VWA5B1: variants seen among roughly 807,000 people sequenced by gnomAD.
The protein encoded by VWA5B1 is von Willebrand factor A domain-containing protein 5B1.
VWA5B1 carries 115 observed loss-of-function variants against 118.2 expected under a neutral mutation model. The observed-to-expected ratio is 0.97, with a 90% CI of 0.84 to 1.14. VWA5B1 has a LOEUF of 1.14. VWA5B1 is among the 50% of genes most tolerant of loss of function. The pLI is 0.00. For missense variants in VWA5B1, 1,596 were observed against 1,603.8 expected (o/e 1.00, Z 0.08); for synonymous variants, 682 against 658.4 (o/e 1.04, Z -0.55).
chr1:20,319,233 C>T, intron 6 of VWA5B1, 149 bp from the exon 7 acceptor site: 2 of 1,205,520 alleles, frequency 1.7e-6, no homozygotes, highest in African/African-American at 1.5e-5. Context: ...TCTTCCCTAG[C>T]CCTACACTGC....
At position 20,353,800 on chromosome 1, in the gene VWA5B1, C is replaced by G. The variant is rs61742174; in HGVS notation, c.3185C>G (p.Ala1062Gly). ...TCCGGAGCCTTCCTGCTCAACGAAG[C>G]CTTCTGTGAGGCCACGCACATCCCC... The part of the protein sequence containing the change: ...LASGAFLLNE[A>G]FCEATHIPME... Residue 1062 changes from alanine to glycine, a missense_variant, in exon 22 of 22, where the codon GCC becomes GGC. Ala to Gly is a moderately conservative substitution (Grantham distance 60). Transcript: ENST00000289815. 2,120 of 1,476,144 alleles carry G rather than the reference C, an allele frequency of 1.4e-3. 22 individuals carry two copies. The African/African-American group carries it at 0.026, about 18-fold the overall frequency. The allele number at this position is 1,476,144 out of a possible 1,614,324, so 91.4% of individuals were successfully genotyped here.
intron 16 of VWA5B1, among the ~76,000 whole-genome samples, chr1:20,343,882 C>T: frequency 9.0e-6 from 1 of 111,540 alleles, no homozygotes; most frequent in Non-Finnish European, 1.8e-5. Flanking sequence ...GGCTCCGCCC[C>T]CTCCCCATTC....
chr1:20,356,152 C>G lies in VWA5B1; in HGVS notation c.*1889C>G, dbSNP rs539954257. 2.6e-4 allele frequency among the ~76,000 whole-genome samples: 40 copies of G among 152,342 alleles called. No homozygotes were observed. Among genetic ancestry groups the G allele is most frequent in the African/African-American group, 8.7e-4 (36 of 41,564 alleles). On this transcript the variant is annotated 3_prime_UTR_variant, in exon 22 of 22. Coordinates refer to ENST00000289815, the MANE Select transcript of VWA5B1 (RefSeq NM_001039500.3). ...TCTTTAGCTATGCAGGCAGCAGCCTCAGCTTCAGGGTAAGGGTGGCCGGGG... is the reference window on the plus strand; with the variant it reads ...TCTTTAGCTATGCAGGCAGCAGCCTGAGCTTCAGGGTAAGGGTGGCCGGGG...
rs568678521 is a variant in VWA5B1, at chr1:20,330,323, C to T, written c.1398C>T (p.Gly466=). The T allele has an allele frequency of 1.0e-4, 161 of 1,551,648 alleles. 1 individual carries two copies. The East Asian group carries it at 2.3e-3, about 22-fold the overall frequency. Reference sequence around the variant, plus strand: ...GGCTCCTCTTCGTGATCACAGATGGCGCTGTCAACAACACAGGGAAGGTGC... The same window carrying T: ...GGCTCCTCTTCGTGATCACAGATGGTGCTGTCAACAACACAGGGAAGGTGC... ...HPRLLFVITD[G]AVNNTGKVLE... The change falls in exon 10 of 22, where the codon GGC becomes GGT. Residue 466 remains glycine (G), a synonymous_variant. Coordinates refer to ENST00000289815, the MANE Select transcript of VWA5B1 (RefSeq NM_001039500.3).
chr1:20,339,825 T>G (rs1015547830), intron 14 of VWA5B1, among the ~76,000 whole-genome samples: 4 of 152,164 alleles, frequency 2.6e-5, no homozygotes, highest in African/African-American at 9.7e-5. Context: ...ACTCTGATCC[T>G]CAAACATGTC....
At position 20,328,020 on chromosome 1, in the gene VWA5B1, G is replaced by A. The variant is rs1238287254; in HGVS notation, c.1254+20G>A. 1 of 1,545,826 alleles carries A rather than the reference G, an allele frequency of 6.5e-7. No individual in the cohort carries two copies. Among genetic ancestry groups the A allele is most frequent in the Non-Finnish European group, 8.8e-7 (1 of 1,141,762 alleles). On this transcript the variant is annotated intron_variant, in intron 9 of 21. Transcript: ENST00000289815. ...AGTGAGGTAATGAGGGGGCAAGGCT[G>A]GGACCAGGAGGGTGGTGCATGGTGG...
chr1:20,319,587 T>C, intron 7 of VWA5B1, 81 bp downstream of exon 7: 1 of 1,524,080 alleles, frequency 6.6e-7, no homozygotes, highest in Non-Finnish European at 8.8e-7. Context: ...ACAAGTGAGG[T>C]GGGGAGGTAA....
chr1:20,337,518 C>A, intron 13 of VWA5B1, 128 bp from the exon 14 acceptor site: 1 of 1,056,104 alleles, frequency 9.5e-7, no homozygotes, highest in Non-Finnish European at 1.3e-6. Flanking sequence ...CCAGGGGAGG[C>A]ATCTGCATAT....
chr1:20,306,986 C>T (rs1238703996), intron 1 of VWA5B1, among the ~76,000 whole-genome samples: 1 of 152,122 alleles, frequency 6.6e-6, no homozygotes, highest in Non-Finnish European at 1.5e-5. Flanking sequence ...TTAAGGCCCT[C>T]CCTCCCTCTT....
chr1:20,301,574 C>A (rs1222827602), intron 1 of VWA5B1, among the ~76,000 whole-genome samples: 2 of 152,182 alleles, frequency 1.3e-5, no homozygotes, highest in Non-Finnish European at 2.9e-5. Context: ...TCCCTAGAAG[C>A]CCCACTGCAA....
intron 7 of VWA5B1, among the ~76,000 whole-genome samples, chr1:20,321,304 A>C (rs2089207497): frequency 6.6e-6 from 1 of 152,126 alleles, no homozygotes; most frequent in Non-Finnish European, 1.5e-5. Flanking sequence ...AAAGCAAATC[A>C]GGCCGGGCGC....
At chr1:20,331,417 T>TC (rs1352578044) in intron 11 of VWA5B1, among the ~76,000 whole-genome samples, 2 of 152,132 alleles carry the variant, frequency 1.3e-5, no homozygotes, top group African/African-American at 4.8e-5. Flanking sequence ...CCTTAGAAAA[T>TC]CCCCTTGTCA....
At chr1:20,306,720 T>C (rs2088666462) in intron 1 of VWA5B1, among the ~76,000 whole-genome samples, 1 of 152,130 alleles carries the variant, frequency 6.6e-6, no homozygotes, top group Admixed American at 6.5e-5. Flanking sequence ...CCATTTGGGA[T>C]TTAGCATCTC....
rs2090161269 is a variant in VWA5B1, at chr1:20,353,075, ACTT to A, written c.3142-678_3142-676del. On this transcript the variant is annotated intron_variant, in intron 21 of 21. Transcript: ENST00000289815. ...GATGTGGGGAGCAGACCCAAGCATG[ACTT>A]CTTGGAGAAGGTCAAGGCTAAGCCA... is the stretch of plus-strand genomic sequence containing the variant. Among the ~76,000 whole-genome samples the A allele has an allele frequency of 3.3e-5, 5 of 152,202 alleles. 1 individual carries two copies. The South Asian group carries it at 1.0e-3, about 31-fold the overall frequency.
At chr1:20,351,901 G>A (rs41265045) in intron 20 of VWA5B1, among the ~76,000 whole-genome samples, 154 bp from the exon 21 acceptor site, 8,076 of 152,150 alleles carry the variant, frequency 0.053, 229 homozygotes, top group Middle Eastern at 0.092. Context: ...CAGTTGCTTC[G>A]AGCCCATGTT....
chr1:20,295,587 C>A (rs905936377), intron 1 of VWA5B1, among the ~76,000 whole-genome samples: 2 of 152,162 alleles, frequency 1.3e-5, no homozygotes, highest in African/African-American at 4.8e-5. Context: ...TCTCCCTATT[C>A]CCATGACCAC....
chr1:20,323,172 A>G, intron 7 of VWA5B1, 184 bp from the exon 8 acceptor site: 2 of 455,806 alleles, frequency 4.4e-6, no homozygotes, highest in East Asian at 3.6e-5. Context: ...TGCAAAGTCC[A>G]TGCTTGCTGT....
At chr1:20,332,700 T>C in intron 11 of VWA5B1, 66 bp from the exon 12 acceptor site, 5 of 1,506,980 alleles carry the variant, frequency 3.3e-6, no homozygotes, top group Non-Finnish European at 3.6e-6. Flanking sequence ...AGCTGATACT[T>C]ACATGATCTT....
intron 17 of VWA5B1, among the ~76,000 whole-genome samples, chr1:20,346,970 T>C (rs2090020463): frequency 6.6e-6 from 1 of 152,226 alleles, no homozygotes; most frequent in Non-Finnish European, 1.5e-5. Flanking sequence ...TGTTCGCTTA[T>C]TCATGTTGCA....
Sources: gnomAD v4.1 joint callset for allele counts (sites outside exome capture counted in the v4.1 genomes callset) on GRCh38, gnomAD v4.1.1 for gene constraint, MANE v1.5 for transcripts, NCBI Gene and HGNC (gene_info 2026-07-23, HGNC 2026-07-21) for gene names.